TRNAU1AP: variants seen among roughly 807,000 people sequenced by gnomAD.
The protein encoded by TRNAU1AP is tRNA selenocysteine 1 associated protein 1.
A neutral mutation model predicts 43.3 loss-of-function variants in TRNAU1AP; 33 were observed. That is an observed-to-expected ratio of 0.76 (90% CI 0.58 to 1.02). The LOEUF (loss-of-function observed/expected upper bound fraction) is 1.02. TRNAU1AP is among the 50% of genes least tolerant of loss of function. The pLI, the probability that TRNAU1AP is intolerant of heterozygous loss-of-function variation, is 0.00. For missense variants in TRNAU1AP, 290 were observed against 362.7 expected, an observed-to-expected ratio of 0.80 and a Z score of 1.63; for synonymous variants, 143 against 129.1, an observed-to-expected ratio of 1.11 and a Z score of -0.73.
At position 28,561,900 on chromosome 1, in the gene TRNAU1AP, G is replaced by A. The variant is rs564628106; in HGVS notation, c.278+502G>A. Among the ~76,000 whole-genome samples, 42 of 152,204 alleles carry A rather than the reference G, an allele frequency of 2.8e-4. No homozygotes were observed. The South Asian group carries it at 3.1e-3, about 11-fold the overall frequency. ...ATCCTGGCTAACACGGTGAAACCCCGTCTCTACTAAAAATACAACAAATTA... is the reference window on the plus strand; with the variant it reads ...ATCCTGGCTAACACGGTGAAACCCCATCTCTACTAAAAATACAACAAATTA... On this transcript the variant is annotated intron_variant, in intron 4 of 8. Coordinates refer to ENST00000373830, the MANE Select transcript of TRNAU1AP (RefSeq NM_017846.5).
intron 5 of TRNAU1AP, among the ~76,000 whole-genome samples, chr1:28,566,330 AAG>A (rs1553122568): frequency 1.1e-4 from 15 of 138,862 alleles, no homozygotes; most frequent in South Asian, 4.8e-4. Flanking sequence ...AAAAAAAAAA[AAG>A]AAGAGCCGGG....
At chr1:28,556,202 T>G (rs1665259554) in intron 2 of TRNAU1AP, among the ~76,000 whole-genome samples, 2 of 151,728 alleles carry the variant, frequency 1.3e-5, no homozygotes, top group Non-Finnish European at 1.5e-5. Context: ...TAGCTCACAC[T>G]TGTAATCCCA....
rs757497720 is a variant in TRNAU1AP at position 28,560,636 on chromosome 1, C to T, written c.129C>T (p.Ile43=). 3 of 1,613,010 alleles carry T rather than the reference C, an allele frequency of 1.9e-6. No individual in the cohort carries two copies. The South Asian group carries it at 3.3e-5, about 18-fold the overall frequency. The change falls in exon 3 of 9, where the codon ATC becomes ATT. Residue 43 remains isoleucine, a synonymous_variant. Coordinates refer to ENST00000373830, the MANE Select transcript of TRNAU1AP (RefSeq NM_017846.5). ...TCTCTATTTGCTTTTTTTCCAGGAT[C>T]CCAGCTGGCTACTGCTTTGTAGAAT... ...VKIIRNRLTG[I]PAGYCFVEFA...
rs181923354 is a variant in TRNAU1AP, at chr1:28,571,585, C to T, written c.693+247C>T. 2.2e-4 allele frequency among the ~76,000 whole-genome samples: 33 copies of T among 152,166 alleles called. No individual in the cohort carries two copies. In the East Asian group the frequency reaches 6.0e-3, roughly 28 times the overall value. The stretch of plus-strand genomic sequence containing the variant: ...TCACCTGAGGTCAGGAGTTCAAAAC[C>T]AGCCTGGCCAACATGGTGAAACCCT... On this transcript the variant is annotated intron_variant, in intron 7 of 8. Coordinates refer to ENST00000373830, the MANE Select transcript of TRNAU1AP (RefSeq NM_017846.5).
chr1:28,557,306 G>A (rs923603389), intron 2 of TRNAU1AP, among the ~76,000 whole-genome samples: 1 of 151,460 alleles, frequency 6.6e-6, no homozygotes, highest in African/African-American at 2.4e-5. Context: ...TGTAGTCCCA[G>A]CTACTCGGGA....
Position 28,568,685 on chromosome 1 carries a change from A to G in TRNAU1AP, c.530+1272A>G, listed in dbSNP as rs567563338. Among the ~76,000 whole-genome samples, 138 of 152,306 alleles carry G rather than the reference A, an allele frequency of 9.1e-4. 2 individuals are homozygous for G. The highest frequency in any genetic ancestry group is 1.7e-3 in the Non-Finnish European group (116 of 68,036). On this transcript the variant is annotated intron_variant, in intron 6 of 8. Transcript: ENST00000373830. ...TTTTGGTTATCACAACCAAGGATGT[A>G]CTAATGGCACCTAGTGGGTATCGGC... is the stretch of plus-strand genomic sequence containing the variant.
chr1:28,569,139 T>A (rs184746606), intron 6 of TRNAU1AP, among the ~76,000 whole-genome samples: 168 of 152,226 alleles, frequency 1.1e-3, no homozygotes, highest in African/African-American at 3.9e-3. Flanking sequence ...AAGCAATGAT[T>A]TAGGGGTTCT....
intron 2 of TRNAU1AP, among the ~76,000 whole-genome samples, chr1:28,557,674 C>T (rs894500003): frequency 6.6e-6 from 1 of 151,720 alleles, no homozygotes; most frequent in African/African-American, 2.4e-5. Context: ...CTGCAATCTG[C>T]ACCTCTCGGG....
intron 2 of TRNAU1AP, among the ~76,000 whole-genome samples, chr1:28,558,800 C>T (rs1173556710): frequency 1.3e-5 from 2 of 151,896 alleles, no homozygotes; most frequent in Non-Finnish European, 1.5e-5. Context: ...CTCCTGACCT[C>T]GTGATCCGCC....
chr1:28,577,483 CCTTG>C lies in TRNAU1AP; in HGVS notation c.728-9_728-6del, dbSNP rs781392345. 1,102 of 1,613,068 alleles carry C rather than the reference CCTTG, an allele frequency of 6.8e-4. No individual in the cohort carries two copies. Among genetic ancestry groups the C allele is most frequent in the Non-Finnish European group, 8.4e-4 (992 of 1,179,508 alleles). On this transcript the variant is annotated splice_polypyrimidine_tract_variant and intron_variant, in intron 8 of 8. Coordinates refer to ENST00000373830, the MANE Select transcript of TRNAU1AP (RefSeq NM_017846.5). ...TGTCCCTAGACTTCCCTGACCCCATCCTTGCTTGCTTTCCAGACCCCATGCCACA... is the reference window on the plus strand; with the variant it reads ...TGTCCCTAGACTTCCCTGACCCCATCCTTGCTTTCCAGACCCCATGCCACA...
At chr1:28,565,075 G>C (rs961344766) in intron 5 of TRNAU1AP, 1 of 519,306 alleles carries the variant, frequency 1.9e-6, no homozygotes, top group African/African-American at 1.9e-5. Context: ...ATAGCTGCTT[G>C]TAGGGTTGAT....
intron 4 of TRNAU1AP, among the ~76,000 whole-genome samples, chr1:28,561,858 G>T (rs1243041998): frequency 6.6e-6 from 1 of 152,168 alleles, no homozygotes; most frequent in Non-Finnish European, 1.5e-5. Flanking sequence ...GGATCACGAG[G>T]TCAGGAGATC....
chr1:28,564,281 G>T (rs1665486266), intron 4 of TRNAU1AP, among the ~76,000 whole-genome samples: 1 of 152,116 alleles, frequency 6.6e-6, no homozygotes, highest in African/African-American at 2.4e-5. Flanking sequence ...AAAGATTGGG[G>T]ATTTAATTTT....
In TRNAU1AP at chr1:28,578,480, T is replaced by C. The variant is rs895903158; in HGVS notation, c.*844T>C. 3.3e-5 allele frequency: 9 copies of C among 270,814 alleles called. No individual in the cohort carries two copies. The highest frequency in any genetic ancestry group is 2.0e-4 in the African/African-American group (9 of 44,382). 16.8% of individuals were successfully genotyped at this position (270,814 alleles called of 1,614,324 possible). On this transcript the variant is annotated 3_prime_UTR_variant, in exon 9 of 9. Transcript: ENST00000373830. ...ATGGTGGCTCACTTTGGGAGATGGATTGCTTGAGCTCGGGAAGAGACCAGT... is the reference window on the plus strand; with the variant it reads ...ATGGTGGCTCACTTTGGGAGATGGACTGCTTGAGCTCGGGAAGAGACCAGT...
intron 5 of TRNAU1AP, chr1:28,565,781 T>G (rs9286965): frequency 1.3e-5 from 2 of 151,332 alleles, no homozygotes; most frequent in Admixed American, 1.3e-4. Context: ...AGCAAGATTC[T>G]GTCTCAAATA....
Position 28,577,925 on chromosome 1 carries a change from C to G in TRNAU1AP, c.*289C>G. Reference sequence around the variant, plus strand: ...GATTATCCAAAACTGGGATGAGCAGCTTGGGATAATTCACACACTAAAGCC... The same window carrying G: ...GATTATCCAAAACTGGGATGAGCAGGTTGGGATAATTCACACACTAAAGCC... On this transcript the variant is annotated 3_prime_UTR_variant, in exon 9 of 9. Transcript: ENST00000373830. 3.9e-6 allele frequency: 1 copy of G among 259,578 alleles called. No individual in the cohort carries two copies. Among genetic ancestry groups the G allele is most frequent in the Non-Finnish European group, 7.4e-6 (1 of 135,776 alleles). 16.1% of individuals were successfully genotyped at this position (259,578 alleles called of 1,614,324 possible). A position where few individuals can be genotyped will look rare whatever the true frequency, so the allele number is the denominator to read the frequency against.
In TRNAU1AP at chr1:28,566,234, C is replaced by T. The variant is rs529082552; in HGVS notation, c.411-1060C>T. Among the ~76,000 whole-genome samples the T allele has an allele frequency of 9.4e-5, 14 of 148,630 alleles. 1 individual carries two copies. In the South Asian group the frequency reaches 3.0e-3, roughly 32 times the overall value. On this transcript the variant is annotated intron_variant, in intron 5 of 8. Coordinates refer to ENST00000373830, the MANE Select transcript of TRNAU1AP (RefSeq NM_017846.5). ...GGAGGCTGAAGCAGAAGAATCGCTT[C>T]AACCTGGGAGGCCGAGGTTGCAGTG...
chr1:28,560,566 A>G (rs1444906165), intron 2 of TRNAU1AP, 67 bp from the exon 3 acceptor site: 2 of 1,337,874 alleles, frequency 1.5e-6, no homozygotes, highest in Non-Finnish European at 2.1e-6. Context: ...GTGAGCCATC[A>G]CGCCTGGCCT....
rs1219225823 is a variant in TRNAU1AP at position 28,553,701 on chromosome 1, T to A, written c.89T>A (p.Val30Glu). Residue 30 changes from valine to glutamate, a missense_variant, in exon 2 of 9, where the codon GTA becomes GAA. Transcript: ENST00000373830. ...GCCTTTGCCACCATGGGGGAGACCG[T>A]AATGAGCGTCAAAATTATCCGAAAC... ...SRAFATMGETVMSVKIIRNRL... is the reference protein window; with the variant it reads ...SRAFATMGETEMSVKIIRNRL... 6.2e-7 allele frequency: 1 copy of A among 1,614,186 alleles called. No individual in the cohort carries two copies. The highest frequency in any genetic ancestry group is 8.5e-7 in the Non-Finnish European group (1 of 1,180,026).
Sources: allele counts gnomAD v4.1 joint callset (sites outside exome capture counted in the v4.1 genomes callset), GRCh38; gene constraint gnomAD v4.1.1; transcripts MANE v1.5; gene names NCBI Gene and HGNC (gene_info 2026-07-23, HGNC 2026-07-21).